Variants in ADARB2 observed in about 807,000 individuals in gnomAD.
The protein encoded by ADARB2 is adenosine deaminase RNA specific B2 (inactive).
ADARB2 carries 25 observed loss-of-function variants against 62.2 expected under a neutral mutation model. That is an observed-to-expected ratio of 0.40 (90% CI 0.29 to 0.56). The LOEUF (loss-of-function observed/expected upper bound fraction) is 0.56. Among genes scored for constraint, ADARB2 ranks in the 20% least tolerant of loss-of-function variants. ADARB2 has a pLI of 0.43. For missense variants in ADARB2, 1,071 were observed against 1,077.4 expected, an observed-to-expected ratio of 0.99 and a Z score of 0.08; for synonymous variants, 572 against 500.8, an observed-to-expected ratio of 1.14 and a Z score of -1.90.
intron 1 of ADARB2, among the ~76,000 whole-genome samples, chr10:1,581,162 T>C (rs1330460374): frequency 6.6e-6 from 1 of 152,216 alleles, no homozygotes; most frequent in Admixed American, 6.5e-5. Context: ...GAAGCAGGGA[T>C]AGAACCTGGT....
At chr10:1,266,780 C>T (rs1044903339) in intron 4 of ADARB2, among the ~76,000 whole-genome samples, 7 of 152,314 alleles carry the variant, frequency 4.6e-5, no homozygotes, top group African/African-American at 1.7e-4. Context: ...GCCAGGGCGT[C>T]TCCTCAGAGG....
intron 8 of ADARB2, among the ~76,000 whole-genome samples, chr10:1,199,214 A>ACC (rs35859427): frequency 0.22 from 32,903 of 150,234 alleles, 3,705 homozygotes; most frequent in Non-Finnish European, 0.24. Context: ...TCGGAAACCC[A>ACC]CCCCCCCGCT....
At chr10:1,527,718 G>C (rs771215173) in intron 1 of ADARB2, among the ~76,000 whole-genome samples, 1 of 152,150 alleles carries the variant, frequency 6.6e-6, no homozygotes, top group Non-Finnish European at 1.5e-5. Context: ...TAGTCTATCA[G>C]AATAATTTTC....
In ADARB2 at chr10:1,255,440, C is replaced by T. The variant is rs1172100642; in HGVS notation, c.1193-13141G>A. Reference sequence around the variant, plus strand: ...CATGCTGCTCACTCCACATAACATACAACACGACAAAGGCATTGAGAGAGC... The same window carrying T: ...CATGCTGCTCACTCCACATAACATATAACACGACAAAGGCATTGAGAGAGC... On this transcript the variant is annotated intron_variant, in intron 4 of 9. Coordinates refer to ENST00000381312, the MANE Select transcript of ADARB2 (RefSeq NM_018702.4). The surrounding 1 kb of genome is among the most constrained non-coding windows in gnomAD (Gnocchi z 4.7). 6.6e-6 allele frequency among the ~76,000 whole-genome samples: 1 copy of T among 152,228 alleles called. No individual in the cohort carries two copies. Among genetic ancestry groups the T allele is most frequent in the Non-Finnish European group, 1.5e-5 (1 of 68,040 alleles).
rs190279514 is a variant in ADARB2, at chr10:1,585,988, A to G, written c.100+151063T>C. 7.5e-4 allele frequency among the ~76,000 whole-genome samples: 114 copies of G among 152,206 alleles called. 3 individuals carry two copies. The East Asian group carries it at 0.019, about 26-fold the overall frequency. On this transcript the variant is annotated intron_variant, in intron 1 of 9. Transcript: ENST00000381312. ...GGCGGAGCTTGCAGTGAGCCAAGAT[A>G]GCGCCACTGCACTCCAGCCTGGGTG...
rs369970462 is a variant in ADARB2 at position 1,233,679 on chromosome 10, A to G, written c.1513+15T>C. ...GGGCTGTTGGCCTACAGAAGGTAAA[A>G]GCATGGTCTCTTACGGTCTGTGGTG... On this transcript the variant is annotated intron_variant, in intron 6 of 9. Transcript: ENST00000381312. The G allele has an allele frequency of 7.1e-5, 114 of 1,600,266 alleles. No homozygotes were observed. The highest frequency in any genetic ancestry group is 9.7e-5 in the Non-Finnish European group (114 of 1,172,118).
chr10:1,332,481 G>GTTTT (rs57168465), intron 3 of ADARB2, among the ~76,000 whole-genome samples: 207 of 131,484 alleles, frequency 1.6e-3, no homozygotes, highest in African/African-American at 5.3e-3. Context: ...CATCAGTTTT[G>GTTTT]TTTTTTTTTT....
intron 1 of ADARB2, among the ~76,000 whole-genome samples, chr10:1,391,388 C>T (rs947467430): frequency 6.6e-6 from 1 of 152,114 alleles, no homozygotes; most frequent in African/African-American, 2.4e-5. Flanking sequence ...CTTGCAAGCC[C>T]ATCATTAAAA....
chr10:1,477,851 C>T lies in ADARB2; in HGVS notation c.101-98691G>A, dbSNP rs1238540815. On this transcript the variant is annotated intron_variant, in intron 1 of 9. Transcript: ENST00000381312. This position sits in a 1 kb window ranked among gnomAD's most constrained non-coding sequence, Gnocchi z 4.5. Reference sequence around the variant, plus strand: ...TTAACAATCCTGTGGCGGGCAGGTGCCTCCCCAGAACGCTTCTCACAGGTG... The same window carrying T: ...TTAACAATCCTGTGGCGGGCAGGTGTCTCCCCAGAACGCTTCTCACAGGTG... Among the ~76,000 whole-genome samples the T allele has an allele frequency of 6.6e-6, 1 of 152,232 alleles. No individual in the cohort carries two copies. The highest frequency in any genetic ancestry group is 1.5e-5 in the Non-Finnish European group (1 of 68,042).
At chr10:1,505,293 G>A (rs148795255) in intron 1 of ADARB2, among the ~76,000 whole-genome samples, 34 of 152,162 alleles carry the variant, frequency 2.2e-4, no homozygotes, top group African/African-American at 7.7e-4. Flanking sequence ...CGCATCCTGC[G>A]TTGTTGGAAA....
intron 1 of ADARB2, among the ~76,000 whole-genome samples, chr10:1,543,213 G>C (rs996745992): frequency 7.2e-5 from 11 of 152,198 alleles, no homozygotes; most frequent in Admixed American, 4.6e-4. Flanking sequence ...AGCAGAAGCC[G>C]GGCGTCCTGC....
intron 8 of ADARB2, among the ~76,000 whole-genome samples, chr10:1,197,745 A>G (rs1836929851): frequency 6.6e-6 from 1 of 152,228 alleles, no homozygotes; most frequent in Non-Finnish European, 1.5e-5. Context: ...CATTGACAAC[A>G]TATCTGTTTA....
At chr10:1,627,248 T>C (rs1157785100) in intron 1 of ADARB2, among the ~76,000 whole-genome samples, 1 of 152,162 alleles carries the variant, frequency 6.6e-6, no homozygotes, top group Non-Finnish European at 1.5e-5. Context: ...GTTGCTTTTC[T>C]AGCCAAGGCA....
Position 1,589,692 on chromosome 10 carries a change from G to A in ADARB2, c.100+147359C>T, listed in dbSNP as rs190151331. On this transcript the variant is annotated intron_variant, in intron 1 of 9. Coordinates refer to ENST00000381312, the MANE Select transcript of ADARB2 (RefSeq NM_018702.4). ...GTTTTTATTTTTATTTTTCATGTAT[G>A]AGATGGAGTCTCGCTCTGTCGCCCA... is the stretch of plus-strand genomic sequence containing the variant. Among the ~76,000 whole-genome samples the A allele has an allele frequency of 4.6e-5, 7 of 152,306 alleles. No homozygotes were observed. In the East Asian group the frequency reaches 1.3e-3, roughly 29 times the overall value.
chr10:1,373,488 C>T (rs1163548459), intron 2 of ADARB2, among the ~76,000 whole-genome samples: 1 of 152,308 alleles, frequency 6.6e-6, no homozygotes, highest in African/African-American at 2.4e-5. Context: ...TGTGCCCGAG[C>T]ATGTGCCTGT....
intron 1 of ADARB2, among the ~76,000 whole-genome samples, chr10:1,655,753 T>C (rs560577634): frequency 1.1e-4 from 17 of 152,316 alleles, no homozygotes; most frequent in Non-Finnish European, 1.8e-4. Flanking sequence ...AGTAAGTTCA[T>C]GGAGGATCCC....
intron 1 of ADARB2, among the ~76,000 whole-genome samples, chr10:1,644,349 C>G (rs1255717479): frequency 6.6e-6 from 1 of 152,264 alleles, no homozygotes; most frequent in African/African-American, 2.4e-5. Flanking sequence ...GGGCGTCTTT[C>G]TTACAGAAGA....
At chr10:1,324,210 C>T (rs1247333499) in intron 3 of ADARB2, among the ~76,000 whole-genome samples, 1 of 152,166 alleles carries the variant, frequency 6.6e-6, no homozygotes, top group East Asian at 1.9e-4. Flanking sequence ...CCATATGAGT[C>T]CACACATCAC....
intron 4 of ADARB2, among the ~76,000 whole-genome samples, chr10:1,244,347 G>C (rs1830957563): frequency 6.6e-6 from 1 of 152,250 alleles, no homozygotes; most frequent in Non-Finnish European, 1.5e-5. Context: ...ACCAGTTTCA[G>C]TGTTCACGAC....
Sources: gnomAD v4.1 joint callset for allele counts (sites outside exome capture counted in the v4.1 genomes callset) on GRCh38, gnomAD v4.1.1 for gene constraint, Gnocchi (gnomAD v3.1) non-coding constraint, MANE v1.5 for transcripts, NCBI Gene and HGNC (gene_info 2026-07-23, HGNC 2026-07-21) for gene names.